The following IARS1 variants were observed in gnomAD, a reference collection of about 807,000 sequenced individuals.
IARS1 encodes isoleucine--tRNA ligase, cytoplasmic.
In IARS1, 124 loss-of-function variants were observed where a neutral mutation model predicts 168.2. That is an observed-to-expected ratio of 0.74 (90% CI 0.64 to 0.86). The LOEUF is 0.86. IARS1 is among the 40% of genes least tolerant of loss of function. The probability of loss-of-function intolerance (pLI) is 0.00; values close to 1 mark genes in which losing one functional copy is unlikely to be tolerated. For synonymous variants in IARS1, 532 were observed against 529.4 expected, an observed-to-expected ratio of 1.00 and a Z score of -0.07; for missense variants, 1,452 against 1,515.8, an observed-to-expected ratio of 0.96 and a Z score of 0.70.
chr9:92,252,418 T>G (rs767323953), intron 21 of IARS1: 4 of 513,934 alleles, frequency 7.8e-6, no homozygotes. Context: ...GTGAGATACA[T>G]CTGCACAAAA....
At chr9:92,290,302 A>C (rs1836112730) in intron 1 of IARS1, among the ~76,000 whole-genome samples, 1 of 152,176 alleles carries the variant, frequency 6.6e-6, no homozygotes. Context: ...CCTAAGGACT[A>C]ATGATGCTGA....
chr9:92,281,896 G>C (rs1306912212), intron 6 of IARS1, among the ~76,000 whole-genome samples: 1 of 152,120 alleles, frequency 6.6e-6, no homozygotes. Flanking sequence ...AGACTAAAGA[G>C]CTCTTTAAGA....
At chr9:92,221,729 T>C (rs1389196168) in intron 33 of IARS1, among the ~76,000 whole-genome samples, 1 of 152,162 alleles carries the variant, frequency 6.6e-6, no homozygotes, top group Non-Finnish European at 1.5e-5. Context: ...ATTTTCTAGA[T>C]AATAGAATGT....
intron 16 of IARS1, among the ~76,000 whole-genome samples, chr9:92,263,992 C>A (rs1831912081): frequency 6.6e-6 from 1 of 152,172 alleles, no homozygotes; most frequent in Admixed American, 6.5e-5. Flanking sequence ...GAAAATGACA[C>A]CAACAATTCC....
At chr9:92,268,336 A>C (rs201765024) in intron 13 of IARS1, 36 bp from the exon 14 acceptor site, 10 of 1,595,866 alleles carry the variant, frequency 6.3e-6, no homozygotes, top group Non-Finnish European at 8.5e-6. Flanking sequence ...ATCACATAAA[A>C]ATATGGAAAA....
At chr9:92,224,982 T>C (rs1048063027) in intron 31 of IARS1, among the ~76,000 whole-genome samples, 3 of 152,108 alleles carry the variant, frequency 2.0e-5, no homozygotes, top group African/African-American at 7.2e-5. Context: ...CAACATTACT[T>C]CCACTCCCTA....
chr9:92,262,762 A>G (rs932642459), intron 17 of IARS1, among the ~76,000 whole-genome samples: 4 of 152,242 alleles, frequency 2.6e-5, no homozygotes, highest in Admixed American at 1.3e-4. Context: ...TATCACTAGT[A>G]GCATTATGTT....
At chr9:92,226,096 C>T (rs1236419619) in intron 31 of IARS1, among the ~76,000 whole-genome samples, 1 of 152,230 alleles carries the variant, frequency 6.6e-6, no homozygotes, top group African/African-American at 2.4e-5. Flanking sequence ...ATCCAGCTTT[C>T]CACTGACTTA....
Position 92,250,844 on chromosome 9 carries a change from GAC to G in IARS1, c.2308-12_2308-11del. On this transcript the variant is annotated splice_polypyrimidine_tract_variant and intron_variant, in intron 22 of 33. Transcript: ENST00000443024. ...AAGGTGTGTAGGGAGCCTGTATGAA[GAC>G]ACAGGACATCATGTCAGTTATATGC... 6.3e-7 allele frequency: 1 copy of G among 1,593,172 alleles called. No homozygotes were observed. The highest frequency in any genetic ancestry group is 8.5e-7 in the Non-Finnish European group (1 of 1,171,228).
At chr9:92,264,875 C>A in intron 16 of IARS1, 54 bp downstream of exon 16, 1 of 1,468,904 alleles carries the variant, frequency 6.8e-7, no homozygotes, top group Non-Finnish European at 9.3e-7. Context: ...GTAAAATACT[C>A]CCTAAATAAA....
chr9:92,286,970 G>C (rs1173308961), intron 4 of IARS1, among the ~76,000 whole-genome samples: 1 of 152,142 alleles, frequency 6.6e-6, no homozygotes, highest in Non-Finnish European at 1.5e-5. Context: ...TATTTGGAAA[G>C]AATCTCCCCA....
intron 31 of IARS1, among the ~76,000 whole-genome samples, chr9:92,224,349 G>C (rs1825292153): frequency 6.6e-6 from 1 of 152,178 alleles, no homozygotes; most frequent in African/African-American, 2.4e-5. Context: ...TTTCAGTGCA[G>C]CCGGCTGGTC....
Position 92,243,311 on chromosome 9 carries a change from C to G in IARS1, c.2905G>C (p.Ala969Pro), listed in dbSNP as rs780166578. ...AQFEAHSDAQ[A>P]LVLLDVTPDQ... ...GGAGTGACATCTAAGAGGACCAAAGCCTGTGGGAATGAACAGTGCACACCA... is the reference window on the plus strand; with the variant it reads ...GGAGTGACATCTAAGAGGACCAAAGGCTGTGGGAATGAACAGTGCACACCA... The change falls in exon 28 of 34, where the codon GCT becomes CCT. Residue 969 changes from alanine to proline, a missense_variant and splice_region_variant. Transcript: ENST00000443024. 1.9e-6 allele frequency: 3 copies of G among 1,608,530 alleles called. No individual in the cohort carries two copies. The highest frequency in any genetic ancestry group is 1.3e-5 in the African/African-American group (1 of 74,784).
At chr9:92,283,178 G>A (rs1390343132) in intron 6 of IARS1, among the ~76,000 whole-genome samples, 6 of 152,184 alleles carry the variant, frequency 3.9e-5, no homozygotes, top group Non-Finnish European at 8.8e-5. Flanking sequence ...GTAGAATAGA[G>A]GTCAGCAAAC....
intron 18 of IARS1, among the ~76,000 whole-genome samples, chr9:92,259,684 G>A (rs150942318): frequency 1.6e-3 from 251 of 152,242 alleles, no homozygotes; most frequent in Non-Finnish European, 2.5e-3. Flanking sequence ...ACACTGTGTG[G>A]TTTCATGATT....
chr9:92,292,825 C>T (rs1836591691), intron 1 of IARS1, among the ~76,000 whole-genome samples: 2 of 152,174 alleles, frequency 1.3e-5, no homozygotes, highest in Non-Finnish European at 2.9e-5. Flanking sequence ...ATTTTAGAAA[C>T]GCACACTAAA....
intron 33 of IARS1, 117 bp downstream of exon 33, chr9:92,222,403 G>T: frequency 3.2e-5 from 15 of 471,364 alleles, no homozygotes; most frequent in Non-Finnish European, 4.2e-5. Flanking sequence ...TCTGGGGAAA[G>T]AATAACAAAA....
chr9:92,244,956 T>C lies in IARS1; in HGVS notation c.2904+3A>G. 5 of 1,611,436 alleles carry C rather than the reference T, an allele frequency of 3.1e-6. No homozygotes were observed. In the East Asian group the frequency reaches 8.9e-5, roughly 29 times the overall value. Reference sequence around the variant, plus strand: ...AGAAATGTTCTAGGAAACAGAAAAATACCTGAGCATCTGAGTGTGCTTCAA... The same window carrying C: ...AGAAATGTTCTAGGAAACAGAAAAACACCTGAGCATCTGAGTGTGCTTCAA... On this transcript the variant is annotated splice_donor_region_variant and intron_variant, in intron 27 of 33. Transcript: ENST00000443024.
At chr9:92,261,183 C>G (rs921405523) in intron 17 of IARS1, among the ~76,000 whole-genome samples, 1 of 151,994 alleles carries the variant, frequency 6.6e-6, no homozygotes, top group Non-Finnish European at 1.5e-5. Context: ...GTGGTTCATG[C>G]CTGTGGTCCC....
Sources: allele counts gnomAD v4.1 joint callset (sites outside exome capture counted in the v4.1 genomes callset), GRCh38; gene constraint gnomAD v4.1.1; transcripts MANE v1.5; gene names NCBI Gene and HGNC (gene_info 2026-07-23, HGNC 2026-07-21).